The following SMC5 variants were observed in gnomAD, a reference collection of about 807,000 sequenced individuals.
SMC5 encodes the protein structural maintenance of chromosomes 5.
A neutral mutation model predicts 148.3 loss-of-function variants in SMC5; 88 were observed. The ratio of observed to expected loss-of-function variants is 0.59; its 90% CI spans 0.50 to 0.71. The LOEUF (loss-of-function observed/expected upper bound fraction) is 0.71. Ranked by LOEUF, SMC5 falls within the 30% of genes least tolerant of loss-of-function variation. SMC5 has a pLI of 0.00. For missense variants in SMC5, 1,142 were observed against 1,298.9 expected, an observed-to-expected ratio of 0.88 and a Z score of 1.86; for synonymous variants, 421 against 432.8, an observed-to-expected ratio of 0.97 and a Z score of 0.34.
chr9:70,284,307 T>C (rs2034837928), intron 7 of SMC5, among the ~76,000 whole-genome samples: 1 of 152,210 alleles, frequency 6.6e-6, no homozygotes, highest in South Asian at 2.1e-4. Flanking sequence ...AGCGTTGCCA[T>C]TGGTCATTTT....
intron 10 of SMC5, among the ~76,000 whole-genome samples, chr9:70,302,672 A>G (rs1339960907): frequency 2.0e-5 from 3 of 152,106 alleles, no homozygotes; most frequent in Non-Finnish European, 4.4e-5. Context: ...TCCATCTTAT[A>G]AGAATAAATA....
rs747551777 is a variant in SMC5, at chr9:70,298,217, A to C, written c.1305A>C (p.Lys435Asn). The change falls in exon 9 of 25, where the codon AAA (lysine) becomes AAC (asparagine). Residue 435 changes from lysine (K) to asparagine (N), a missense_variant. Physicochemically the swap from Lys to Asn is moderately conservative, Grantham distance 94. Coordinates refer to ENST00000361138, the MANE Select transcript of SMC5 (RefSeq NM_015110.4). ...RRERETLEKE[K>N]KSVDDHIVRF... Reference sequence around the variant, plus strand: ...AGAGGGAAACTCTAGAGAAGGAGAAAAAGAGTAAGTTTCATAAAGTTAGAA... The same window carrying C: ...AGAGGGAAACTCTAGAGAAGGAGAACAAGAGTAAGTTTCATAAAGTTAGAA... The C allele has an allele frequency of 1.2e-6, 2 of 1,609,298 alleles. No individual in the cohort carries two copies. Among genetic ancestry groups the C allele is most frequent in the South Asian group, 2.2e-5 (2 of 89,886 alleles).
chr9:70,314,488 G>A (rs2035743818), intron 11 of SMC5, among the ~76,000 whole-genome samples: 1 of 151,960 alleles, frequency 6.6e-6, no homozygotes, highest in Non-Finnish European at 1.5e-5. Context: ...GTATCATTTT[G>A]AAGTAATTCC....
intron 13 of SMC5, among the ~76,000 whole-genome samples, chr9:70,316,107 GT>G (rs1334455831): frequency 3.9e-5 from 6 of 151,984 alleles, no homozygotes; most frequent in Admixed American, 1.3e-4. Flanking sequence ...GAAACTCCTA[GT>G]TTCTGTATTC....
Position 70,264,318 on chromosome 9 carries a change from G to T in SMC5, c.200G>T (p.Cys67Phe). Reference protein sequence around the residue: ...SMENFLTYDICEVSPGPHLNM... With the variant: ...SMENFLTYDIFEVSPGPHLNM... ...TTATAATTCAGAACATATGATATTTGTGAAGTATCTCCTGGACCCCACTTG... is the reference window on the plus strand; with the variant it reads ...TTATAATTCAGAACATATGATATTTTTGAAGTATCTCCTGGACCCCACTTG... The change falls in exon 2 of 25, where the codon TGT becomes TTT. Residue 67 changes from cysteine (C) to phenylalanine (F), a missense_variant. Coordinates refer to ENST00000361138, the MANE Select transcript of SMC5 (RefSeq NM_015110.4). 6.2e-7 allele frequency: 1 copy of T among 1,613,072 alleles called. No individual in the cohort carries two copies. The highest frequency in any genetic ancestry group is 8.5e-7 in the Non-Finnish European group (1 of 1,179,444).
At chr9:70,323,646 A>G (rs763522275) in intron 16 of SMC5, 40 bp downstream of exon 16, 1 of 1,585,568 alleles carries the variant, frequency 6.3e-7, no homozygotes, top group Non-Finnish European at 8.6e-7. Flanking sequence ...TTTAAAGGAA[A>G]TAGCGGGCAG....
intron 17 of SMC5, among the ~76,000 whole-genome samples, chr9:70,327,653 A>C (rs553801576): frequency 6.6e-6 from 1 of 152,338 alleles, no homozygotes; most frequent in Admixed American, 6.5e-5. Flanking sequence ...TTATCTTTAA[A>C]GAAGTAATTT....
chr9:70,323,468 A>G lies in SMC5; in HGVS notation c.2151-15A>G, dbSNP rs199542203. 14 of 1,582,268 alleles carry G rather than the reference A, an allele frequency of 8.8e-6. No homozygotes were observed. In the East Asian group the frequency reaches 9.1e-5, roughly 10 times the overall value. On this transcript the variant is annotated splice_polypyrimidine_tract_variant and intron_variant, in intron 15 of 24. Transcript: ENST00000361138. ...GTTTAACACTGATTTCTTCATTATT[A>G]TATGTGTCATACAGTTTAAAGCTGA...
chr9:70,266,505 G>T (rs1022446708), intron 2 of SMC5, among the ~76,000 whole-genome samples: 2 of 152,024 alleles, frequency 1.3e-5, no homozygotes, highest in Non-Finnish European at 2.9e-5. Context: ...GTACTCCAGG[G>T]GCTGTACAGT....
At chr9:70,277,551 A>G in intron 4 of SMC5, 79 bp downstream of exon 4, 1 of 1,153,684 alleles carries the variant, frequency 8.7e-7, no homozygotes, top group Non-Finnish European at 1.2e-6. Flanking sequence ...GGATATCATA[A>G]TGACTGCTAT....
chr9:70,346,704 C>T (rs1409852867), intron 19 of SMC5, 55 bp downstream of exon 19: 2 of 1,584,280 alleles, frequency 1.3e-6, no homozygotes, highest in East Asian at 2.2e-5. Flanking sequence ...TGCCTTGCTC[C>T]TCCCTAGCCA....
At chr9:70,330,236 T>A (rs528364577) in intron 17 of SMC5, among the ~76,000 whole-genome samples, 2 of 152,300 alleles carry the variant, frequency 1.3e-5, no homozygotes, top group South Asian at 4.1e-4. Context: ...TTTTGTGCTT[T>A]TTAGAATGTT....
Position 70,280,798 on chromosome 9 carries a change from G to A in SMC5, c.718G>A (p.Val240Ile). The change falls in exon 6 of 25, where the codon GTT (valine) becomes ATT (isoleucine). Residue 240 changes from valine (V) to isoleucine (I), a missense_variant. Around this residue, in one of 5 missense-constraint regions of SMC5, gnomAD observed 297 missense variants for 302.6 expected, o/e 0.98. Transcript: ENST00000361138. ...KEKTEYLQKMVQRNERYKQDV... is the reference protein window; with the variant it reads ...KEKTEYLQKMIQRNERYKQDV... ...GAAAACTGAGTATCTACAGAAAATG[G>A]TTCAGAGGAATGAAAGATATAAACA... 1 of 1,613,530 alleles carries A rather than the reference G, an allele frequency of 6.2e-7. No homozygotes were observed. Among genetic ancestry groups the A allele is most frequent in the Non-Finnish European group, 8.5e-7 (1 of 1,179,750 alleles).
At chr9:70,304,734 T>C (rs778993867) in intron 10 of SMC5, among the ~76,000 whole-genome samples, 11 of 151,276 alleles carry the variant, frequency 7.3e-5, no homozygotes, top group Non-Finnish European at 1.3e-4. Flanking sequence ...GATTATGTTC[T>C]GATGTTGCAA....
chr9:70,297,144 A>AC (rs1417889266), intron 8 of SMC5, among the ~76,000 whole-genome samples: 8 of 152,230 alleles, frequency 5.3e-5, no homozygotes, highest in African/African-American at 1.9e-4. Flanking sequence ...TGAGAATACA[A>AC]CCCAAGTCCA....
At chr9:70,331,415 AAAAC>A (rs57947044) in intron 17 of SMC5, among the ~76,000 whole-genome samples, 11,736 of 151,826 alleles carry the variant, frequency 0.077, 525 homozygotes, top group African/African-American at 0.13. Flanking sequence ...AAGGTAGAAA[AAAAC>A]AGGGAGATTT....
intron 3 of SMC5, among the ~76,000 whole-genome samples, chr9:70,270,273 G>A (rs1369123103): frequency 6.6e-6 from 1 of 152,164 alleles, no homozygotes; most frequent in Non-Finnish European, 1.5e-5. Context: ...CAGATGATTA[G>A]CAAAATACAG....
chr9:70,340,319 A>G (rs1423020853), intron 17 of SMC5, among the ~76,000 whole-genome samples: 1 of 151,940 alleles, frequency 6.6e-6, no homozygotes, highest in Non-Finnish European at 1.5e-5. Flanking sequence ...AATTTTGAAG[A>G]AAACATTTTA....
At chr9:70,326,337 G>A (rs889741201) in intron 17 of SMC5, among the ~76,000 whole-genome samples, 10 of 152,056 alleles carry the variant, frequency 6.6e-5, no homozygotes, top group Non-Finnish European at 1.2e-4. Context: ...TCAAGTGAGC[G>A]AATTTTATGG....
Sources: gnomAD v4.1 joint callset for allele counts (sites outside exome capture counted in the v4.1 genomes callset) on GRCh38, gnomAD v4.1.1 for gene constraint, gnomAD v4.1.1 regional missense constraint, MANE v1.5 for transcripts, NCBI Gene and HGNC (gene_info 2026-07-23, HGNC 2026-07-21) for gene names.